SH3TC1: variants seen among roughly 807,000 people sequenced by gnomAD.
SH3TC1 encodes SH3 domain and tetratricopeptide repeats 1, also known as SH3 domain and tetratricopeptide repeat-containing protein 1.
A neutral mutation model predicts 117.3 loss-of-function variants in SH3TC1; 135 were observed. That is an observed-to-expected ratio of 1.15 (90% CI 1.00 to 1.33). The LOEUF (loss-of-function observed/expected upper bound fraction) is 1.33, where lower values mean the gene tolerates loss of function less well. SH3TC1 is among the 40% of genes most tolerant of loss of function. The pLI is 0.00. For synonymous variants in SH3TC1, 898 were observed against 816.9 expected (o/e 1.10, Z -1.69); for missense variants, 2,092 against 1,794.3 (o/e 1.17, Z -3.00).
chr4:8,207,360 G>GTTCTCCCCACTGCACAGTTATTT (rs1718299276), intron 2 of SH3TC1, among the ~76,000 whole-genome samples: 1 of 152,228 alleles, frequency 6.6e-6, no homozygotes, highest in African/African-American at 2.4e-5. Context: ...GCGGCTGCCA[G>GTTCTCCCCACTGCACAGTTATTT]TTCTCCCCAC....
chr4:8,232,409 T>A, intron 13 of SH3TC1: 1 of 1,569,834 alleles, frequency 6.4e-7, no homozygotes, highest in Non-Finnish European at 8.6e-7. Flanking sequence ...TCCCCAAAGG[T>A]CATCTCAACC....
intron 16 of SH3TC1, chr4:8,236,737 G>A (rs1359171551): frequency 6.0e-6 from 2 of 333,376 alleles, no homozygotes; most frequent in Non-Finnish European, 5.5e-6. Flanking sequence ...GCATGTGCCA[G>A]GCTGAGTGGC....
intron 1 of SH3TC1, among the ~76,000 whole-genome samples, chr4:8,193,162 C>G (rs1484019524): frequency 1.3e-5 from 2 of 152,244 alleles, no homozygotes; most frequent in African/African-American, 4.8e-5. Flanking sequence ...ACCCAGAGCA[C>G]GTTTGCCTCC....
intron 1 of SH3TC1, among the ~76,000 whole-genome samples, chr4:8,191,888 G>T (rs1192863524): frequency 6.6e-6 from 1 of 152,112 alleles, no homozygotes; most frequent in African/African-American, 2.4e-5. Context: ...AAGATGACGG[G>T]GCTGCTCAGC....
At chr4:8,237,811 G>A in intron 17 of SH3TC1, 141 bp downstream of exon 17, 1 of 947,942 alleles carries the variant, frequency 1.1e-6, no homozygotes. Context: ...GGCTGGAGGA[G>A]CTGGCAAGGT....
chr4:8,208,597 C>A (rs1003201349), intron 2 of SH3TC1, among the ~76,000 whole-genome samples: 1 of 152,172 alleles, frequency 6.6e-6, no homozygotes, highest in African/African-American at 2.4e-5. Context: ...AGGTGATCCA[C>A]CTGTCTGAGC....
rs539488748 is a variant in SH3TC1, at chr4:8,187,361, T to C, written c.-57+5151T>C. On this transcript the variant is annotated intron_variant, in intron 1 of 16. Coordinates refer to the SH3TC1 transcript ENST00000508641. ...GTTGGGTTTCCCCATTTCCACACTA[T>C]CCTCTGTGGAAGGACGCCACCATGC... Among the ~76,000 whole-genome samples the C allele has an allele frequency of 2.4e-4, 36 of 149,814 alleles. No homozygotes were observed. The South Asian group carries it at 7.3e-3, about 30-fold the overall frequency.
Position 8,233,392 on chromosome 4 carries a change from A to C in SH3TC1, c.3161A>C (p.Lys1054Thr). 1 of 1,613,600 alleles carries C rather than the reference A, an allele frequency of 6.2e-7. No individual in the cohort carries two copies. Among genetic ancestry groups the C allele is most frequent in the Non-Finnish European group, 8.5e-7 (1 of 1,179,758 alleles). The change falls in exon 14 of 18, where the codon AAA becomes ACA. Residue 1054 changes from lysine (K) to threonine (T), a missense_variant. Physicochemically the swap from Lys to Thr is moderately conservative, Grantham distance 78. Transcript: ENST00000245105. The stretch of plus-strand genomic sequence containing the variant: ...TACAAATCCGCACTGGACTACACCA[A>C]ACGAAGTCTGGGGATTTTCATTGAC... ...RAYKSALDYT[K>T]RSLGIFIDLQ... is the part of the protein sequence containing the mutation.
intron 9 of SH3TC1, among the ~76,000 whole-genome samples, chr4:8,220,239 C>T (rs1417047426): frequency 6.6e-6 from 1 of 151,862 alleles, no homozygotes; most frequent in African/African-American, 2.4e-5. Context: ...CTTCTGGGCC[C>T]GACCTTGCAG....
chr4:8,201,511 G>T (rs1450208758), intron 1 of SH3TC1: 1 of 152,462 alleles, frequency 6.6e-6, no homozygotes, highest in African/African-American at 2.4e-5. Flanking sequence ...GCAGGAAGGA[G>T]AGAGTCCTGC....
At chr4:8,197,642 G>C (rs149124654), upstream of SH3TC1, among the ~76,000 whole-genome samples, 483 of 152,338 alleles carry the variant, frequency 3.2e-3, 11 homozygotes, top group East Asian at 0.011. Context: ...GGCCTGGCCA[G>C]GCCGGGCCGG....
chr4:8,239,304 CACACAG>C (rs10532430), intron 17 of SH3TC1, among the ~76,000 whole-genome samples: 36,854 of 151,326 alleles, frequency 0.24, 4,978 homozygotes, highest in East Asian at 0.53. Flanking sequence ...CACATGAGCA[CACACAG>C]GCACAGGCAC....
intron 1 of SH3TC1, among the ~76,000 whole-genome samples, chr4:8,201,039 A>C (rs1717795920): frequency 6.6e-6 from 1 of 152,208 alleles, no homozygotes; most frequent in Non-Finnish European, 1.5e-5. Flanking sequence ...GAATTTTGAA[A>C]GGACAGTGTC....
intron 10 of SH3TC1, among the ~76,000 whole-genome samples, chr4:8,224,332 G>A (rs999329146): frequency 1.3e-5 from 2 of 152,176 alleles, no homozygotes; most frequent in African/African-American, 4.8e-5. Context: ...TTCCTGAATG[G>A]ACAAACTTAG....
chr4:8,186,803 G>T lies in SH3TC1; in HGVS notation c.-57+4593G>T, dbSNP rs575583448. 7.2e-4 allele frequency among the ~76,000 whole-genome samples: 109 copies of T among 152,156 alleles called. No homozygotes were observed. The highest frequency in any genetic ancestry group is 1.3e-3 in the Non-Finnish European group (86 of 68,004). ...TACTAAAAATACAAAAATTAGCTGGGCGTGGTGGCGGGCACCTGTAATCCC... is the reference window on the plus strand; with the variant it reads ...TACTAAAAATACAAAAATTAGCTGGTCGTGGTGGCGGGCACCTGTAATCCC... On this transcript the variant is annotated intron_variant, in intron 1 of 16. Transcript: ENST00000508641. This position sits in a 1 kb window ranked among gnomAD's most constrained non-coding sequence, Gnocchi z 5.2.
intron 16 of SH3TC1, 85 bp from the exon 17 acceptor site, chr4:8,237,389 G>A (rs1721912630): frequency 2.5e-6 from 3 of 1,222,338 alleles, no homozygotes; most frequent in Non-Finnish European, 3.2e-6. Context: ...CGCAGTGCCT[G>A]GAGGCGAGCC....
At chr4:8,220,169 A>T (rs566643246) in intron 9 of SH3TC1, among the ~76,000 whole-genome samples, 1 of 152,168 alleles carries the variant, frequency 6.6e-6, no homozygotes, top group South Asian at 2.1e-4. Flanking sequence ...GGAGACATGA[A>T]TTGAGGGACA....
chr4:8,229,393 C>T (rs1720903988), intron 12 of SH3TC1: 1 of 137,206 alleles, frequency 7.3e-6, no homozygotes, highest in Non-Finnish European at 1.6e-5. Flanking sequence ...GTGTGAAGGC[C>T]CAGGGGTGAG....
In SH3TC1 at chr4:8,190,991, A is replaced by G. The variant is rs911300446; in HGVS notation, c.-57+8781A>G. ...CGCACCTCTGTTCCTTGTGGTTTTAAAGGTGGAGATGCTGAGGACTGGCGG... is the reference window on the plus strand; with the variant it reads ...CGCACCTCTGTTCCTTGTGGTTTTAGAGGTGGAGATGCTGAGGACTGGCGG... On this transcript the variant is annotated intron_variant, in intron 1 of 16. Coordinates refer to the SH3TC1 transcript ENST00000508641. The surrounding 1 kb of genome is among the most constrained non-coding windows in gnomAD (Gnocchi z 4.7). 7.2e-5 allele frequency among the ~76,000 whole-genome samples: 11 copies of G among 152,014 alleles called. No homozygotes were observed. The highest frequency in any genetic ancestry group is 7.2e-4 in the Admixed American group (11 of 15,270).
Sources: gnomAD v4.1 joint callset for allele counts (sites outside exome capture counted in the v4.1 genomes callset) on GRCh38, gnomAD v4.1.1 for gene constraint, Gnocchi (gnomAD v3.1) non-coding constraint, MANE v1.5 for transcripts, NCBI Gene and HGNC (gene_info 2026-07-23, HGNC 2026-07-21) for gene names.